CDH8: variants seen among roughly 807,000 people sequenced by gnomAD.
CDH8 encodes the protein cadherin 8.
A neutral mutation model predicts 68.1 loss-of-function variants in CDH8; 17 were observed. That is an observed-to-expected ratio of 0.25 (90% CI 0.17 to 0.37). CDH8 has a LOEUF of 0.37. Among genes scored for constraint, CDH8 ranks in the 10% least tolerant of loss-of-function variants. CDH8 has a pLI of 1.00. For missense variants in CDH8, 763 were observed against 999.3 expected (o/e 0.76, Z 3.19); for synonymous variants, 372 against 365.1 (o/e 1.02, Z -0.21).
intron 7 of CDH8, among the ~76,000 whole-genome samples, chr16:61,807,630 AGGGGCG>A (rs1961826497): frequency 1.3e-5 from 2 of 152,282 alleles, no homozygotes; most frequent in South Asian, 2.1e-4. Context: ...CAGAGATGTG[AGGGGCG>A]TGGTCAGGAG....
chr16:61,799,430 C>G (rs866142145), intron 7 of CDH8, among the ~76,000 whole-genome samples: 1 of 152,042 alleles, frequency 6.6e-6, no homozygotes, highest in Non-Finnish European at 1.5e-5. Flanking sequence ...TTCTGCTAAG[C>G]CCTATATATT....
intron 8 of CDH8, among the ~76,000 whole-genome samples, chr16:61,783,623 G>C (rs1323407075): frequency 6.7e-6 from 1 of 149,880 alleles, no homozygotes; most frequent in Non-Finnish European, 1.5e-5. Flanking sequence ...GCAACTCCAA[G>C]ACACATAATT....
intron 7 of CDH8, among the ~76,000 whole-genome samples, chr16:61,816,561 A>G (rs1217443057): frequency 6.6e-6 from 1 of 152,078 alleles, no homozygotes; most frequent in Admixed American, 6.6e-5. Flanking sequence ...CTTACTCTCT[A>G]TCTCCTTGAT....
intron 8 of CDH8, among the ~76,000 whole-genome samples, chr16:61,768,435 CCTCT>C (rs1179832160): frequency 9.6e-5 from 9 of 93,798 alleles, no homozygotes; most frequent in African/African-American, 4.0e-4. Context: ...TCTCCCTCTC[CCTCT>C]CTCTCTCGCA....
At chr16:61,702,988 TTTAGACA>T in intron 10 of CDH8, among the ~76,000 whole-genome samples, 1 of 152,280 alleles carries the variant, frequency 6.6e-6, no homozygotes, top group East Asian at 1.9e-4. Context: ...CCTAATAAAT[TTTAGACA>T]TTGATTTTTC....
intron 2 of CDH8, among the ~76,000 whole-genome samples, chr16:61,933,417 G>A (rs905069727): frequency 1.3e-5 from 2 of 152,134 alleles, no homozygotes; most frequent in Non-Finnish European, 2.9e-5. Context: ...ACTAACAAAT[G>A]ATTTAGAGCA....
chr16:61,919,499 C>G (rs1186299393), intron 2 of CDH8, among the ~76,000 whole-genome samples: 1 of 146,832 alleles, frequency 6.8e-6, no homozygotes, highest in Non-Finnish European at 1.5e-5. Context: ...AACCAAGGCT[C>G]GAGAACTACA....
intron 5 of CDH8, among the ~76,000 whole-genome samples, chr16:61,822,205 C>CCTTTTT (rs1962230457): frequency 2.2e-5 from 1 of 45,630 alleles, no homozygotes; most frequent in African/African-American, 1.1e-4. Context: ...AAAAACGCAC[C>CCTTTTT]TTTTTTTTTT....
chr16:61,808,645 A>G (rs1276562266), intron 7 of CDH8, among the ~76,000 whole-genome samples: 3 of 152,218 alleles, frequency 2.0e-5, no homozygotes, highest in Non-Finnish European at 2.9e-5. Context: ...GACTACTAAC[A>G]TTCTTTAAAT....
chr16:61,929,445 G>A (rs1245692921), intron 2 of CDH8, among the ~76,000 whole-genome samples: 1 of 151,988 alleles, frequency 6.6e-6, no homozygotes, highest in Middle Eastern at 3.2e-3. Context: ...TCTCAGAAAG[G>A]GTTGGCTGTT....
chr16:61,679,960 C>A (rs1408664120), intron 10 of CDH8, among the ~76,000 whole-genome samples: 1 of 151,930 alleles, frequency 6.6e-6, no homozygotes, highest in African/African-American at 2.4e-5. Context: ...ATCATTCATT[C>A]AATTTTTGAA....
At position 61,781,578 on chromosome 16, in the gene CDH8, C is replaced by T. The variant is rs531762929; in HGVS notation, c.1414+7768G>A. Reference sequence around the variant, plus strand: ...AGTGAGCTATGATATAGTGCCTGGGCAAAAGAGAGAGATCTATCTCAAAGG... The same window carrying T: ...AGTGAGCTATGATATAGTGCCTGGGTAAAAGAGAGAGATCTATCTCAAAGG... On this transcript the variant is annotated intron_variant, in intron 8 of 11. Transcript: ENST00000577390. Among the ~76,000 whole-genome samples the T allele has an allele frequency of 2.6e-5, 4 of 152,138 alleles. No individual in the cohort carries two copies. In the East Asian group the frequency reaches 5.8e-4, roughly 22 times the overall value.
intron 3 of CDH8, among the ~76,000 whole-genome samples, chr16:61,871,615 A>T (rs1963365006): frequency 6.6e-6 from 1 of 151,754 alleles, no homozygotes; most frequent in Non-Finnish European, 1.5e-5. Context: ...AACATAAAAT[A>T]GGACACACAA....
chr16:61,981,112 C>T (rs2150582559), intron 2 of CDH8, among the ~76,000 whole-genome samples: 1 of 152,266 alleles, frequency 6.6e-6, no homozygotes, highest in East Asian at 1.9e-4. Context: ...CTATTTGGCA[C>T]ATAGAAACAA....
At chr16:61,976,878 C>A (rs1192364246) in intron 2 of CDH8, among the ~76,000 whole-genome samples, 1 of 152,112 alleles carries the variant, frequency 6.6e-6, no homozygotes, top group Non-Finnish European at 1.5e-5. Context: ...TTGGGGAATT[C>A]ATCAGCAAAC....
intron 2 of CDH8, among the ~76,000 whole-genome samples, chr16:61,963,445 C>T (rs948003908): frequency 2.0e-5 from 3 of 152,082 alleles, no homozygotes; most frequent in African/African-American, 7.2e-5. Context: ...TATCACATGC[C>T]ATAAATAAAC....
intron 8 of CDH8, among the ~76,000 whole-genome samples, chr16:61,728,412 C>A (rs1959438093): frequency 6.6e-6 from 1 of 151,022 alleles, no homozygotes; most frequent in African/African-American, 2.4e-5. Flanking sequence ...ATTTGGTTAA[C>A]TACAAGTGGC....
chr16:61,857,536 C>G (rs1963069657), intron 3 of CDH8, among the ~76,000 whole-genome samples: 1 of 151,946 alleles, frequency 6.6e-6, no homozygotes, highest in South Asian at 2.1e-4. Flanking sequence ...GGGGAATATG[C>G]AAAGGAATCC....
chr16:61,664,718 A>G (rs1963632494), intron 10 of CDH8, among the ~76,000 whole-genome samples: 1 of 151,514 alleles, frequency 6.6e-6, no homozygotes, highest in Non-Finnish European at 1.5e-5. Flanking sequence ...AGGAAAAAAA[A>G]TCCAACTTTT....
Sources: allele counts gnomAD v4.1 joint callset (sites outside exome capture counted in the v4.1 genomes callset), GRCh38; gene constraint gnomAD v4.1.1; transcripts MANE v1.5; gene names NCBI Gene and HGNC (gene_info 2026-07-23, HGNC 2026-07-21).